The following SP1 variants were observed in gnomAD, a reference collection of about 807,000 sequenced individuals.
SP1 encodes transcription factor Sp1.
Under a neutral mutation model 66.3 loss-of-function variants are expected in SP1, and 6 were observed. The observed-to-expected ratio is 0.09, with a 90% confidence interval of 0.05 to 0.18. The LOEUF (loss-of-function observed/expected upper bound fraction) is 0.18. Ranked by LOEUF, SP1 falls within the 10% of genes least tolerant of loss-of-function variation. The pLI is 1.00. For missense variants in SP1, 848 were observed against 964.5 expected (o/e 0.88, Z 1.60); for synonymous variants, 417 against 360.8 (o/e 1.16, Z -1.77).
At chr12:53,396,235 C>T (rs1233773102) in intron 3 of SP1, among the ~76,000 whole-genome samples, 5 of 150,176 alleles carry the variant, frequency 3.3e-5, no homozygotes, top group African/African-American at 4.9e-5. Context: ...GAGCTAACAT[C>T]GCGCCACTGC....
chr12:53,392,393 G>A (rs1938373799), intron 3 of SP1, among the ~76,000 whole-genome samples: 1 of 118,098 alleles, frequency 8.5e-6, no homozygotes, highest in Admixed American at 1.1e-4. Flanking sequence ...GTCTCGCTCT[G>A]TCGCCCAGGC....
intron 3 of SP1, among the ~76,000 whole-genome samples, chr12:53,398,615 C>G (rs753893007): frequency 3.3e-5 from 5 of 152,108 alleles, no homozygotes; most frequent in Admixed American, 3.3e-4. Flanking sequence ...ATAAAATGTT[C>G]TTGCTACCAT....
chr12:53,392,867 C>G, intron 3 of SP1, among the ~76,000 whole-genome samples: 1 of 151,190 alleles, frequency 6.6e-6, no homozygotes. Flanking sequence ...CTCTGTCGCC[C>G]AGGCTGGAGT....
intron 3 of SP1, among the ~76,000 whole-genome samples, chr12:53,384,473 C>G (rs1333028557): frequency 6.6e-6 from 1 of 151,576 alleles, no homozygotes; most frequent in Non-Finnish European, 1.5e-5. Flanking sequence ...TTAGTAGAGA[C>G]AAGGTTTTGC....
Position 53,384,220 on chromosome 12 carries a change from C to T in SP1, c.1675+598C>T, listed in dbSNP as rs191461358. Among the ~76,000 whole-genome samples, 465 of 152,110 alleles carry T rather than the reference C, an allele frequency of 3.1e-3. 5 individuals carry two copies. Among genetic ancestry groups the T allele is most frequent in the African/African-American group, 0.01 (434 of 41,524 alleles). On this transcript the variant is annotated intron_variant, in intron 3 of 5. Coordinates refer to ENST00000327443, the MANE Select transcript of SP1 (RefSeq NM_138473.3). ...TCCTGACCTCGTGATCCGCCCGCCT[C>T]GGCCTCCCAAAGTGCTGGGATTACA...
In SP1 at chr12:53,392,013, C is replaced by T. The variant is rs533711343; in HGVS notation, c.1675+8391C>T. On this transcript the variant is annotated intron_variant, in intron 3 of 5. Transcript: ENST00000327443. ...TCTTTGAGTTGGTTGCAAATCTGTG[C>T]TGTAATTTGGATTTGTCCTTTTGTT... Among the ~76,000 whole-genome samples the T allele has an allele frequency of 8.0e-4, 122 of 152,124 alleles. 1 individual carries two copies. The highest frequency in any genetic ancestry group is 2.7e-3 in the African/African-American group (114 of 41,514).
rs1036296995 is a variant in SP1 at position 53,410,203 on chromosome 12, G to A, written c.2044+642G>A. Among the ~76,000 whole-genome samples, 20 of 151,656 alleles carry A rather than the reference G, an allele frequency of 1.3e-4. 1 individual carries two copies. Among genetic ancestry groups the A allele is most frequent in the Admixed American group, 2.6e-4 (4 of 15,202 alleles). ...ACCTGTAATCCCAGCTACTCAGGAG[G>A]CTGAGGCAGGAGAATTGCTTGAACC... is the stretch of plus-strand genomic sequence containing the variant. On this transcript the variant is annotated intron_variant, in intron 5 of 5. Coordinates refer to ENST00000327443, the MANE Select transcript of SP1 (RefSeq NM_138473.3).
rs1270678262 is a variant in SP1, at chr12:53,383,520, T to A, written c.1573T>A (p.Ser525Thr). The A allele has an allele frequency of 1.2e-6, 2 of 1,614,138 alleles. No homozygotes were observed. The highest frequency in any genetic ancestry group is 1.7e-6 in the Non-Finnish European group (2 of 1,180,014). The change falls in exon 3 of 6, where the codon TCC becomes ACC. Residue 525 changes from serine to threonine, a missense_variant. Ser to Thr is a moderately conservative substitution (Grantham distance 58). Coordinates refer to ENST00000327443, the MANE Select transcript of SP1 (RefSeq NM_138473.3). The part of the protein sequence containing the change: ...TVTVNAAQLS[S>T]MPGLQTINLS... Reference sequence around the variant, plus strand: ...CACTGTGAATGCTGCTCAACTCTCCTCCATGCCAGGCCTCCAGACCATTAA... The same window carrying A: ...CACTGTGAATGCTGCTCAACTCTCCACCATGCCAGGCCTCCAGACCATTAA...
chr12:53,410,894 T>C (rs938700223), intron 5 of SP1, 33 bp from the exon 6 acceptor site: 2 of 1,536,370 alleles, frequency 1.3e-6, no homozygotes, highest in Non-Finnish European at 1.8e-6. Context: ...CTTCCTAACA[T>C]GTCAGCTTCT....
intron 5 of SP1, among the ~76,000 whole-genome samples, chr12:53,410,473 G>A (rs1279965588): frequency 6.6e-6 from 1 of 151,158 alleles, no homozygotes; most frequent in Admixed American, 6.6e-5. Flanking sequence ...TCTTCCTCAC[G>A]CCCCCGCCAA....
rs188538428 is a variant in SP1 at position 53,405,041 on chromosome 12, G to A, written c.1676-1544G>A. On this transcript the variant is annotated intron_variant, in intron 3 of 5. Transcript: ENST00000327443. ...TTTTGTATTTTTAGTAGAGATGGGG[G>A]TTTTACCATGTTGGCCAGGCTGGTA... Among the ~76,000 whole-genome samples the A allele has an allele frequency of 1.7e-4, 25 of 151,382 alleles. No homozygotes were observed. In the East Asian group the frequency reaches 4.7e-3, roughly 29 times the overall value.
intron 3 of SP1, among the ~76,000 whole-genome samples, chr12:53,386,427 A>G (rs1175248866): frequency 1.3e-5 from 2 of 150,536 alleles, no homozygotes; most frequent in Non-Finnish European, 3.0e-5. Context: ...ATGTTTCACT[A>G]TTAATTTGAA....
At chr12:53,388,549 G>C (rs1012934314) in intron 3 of SP1, among the ~76,000 whole-genome samples, 7 of 152,142 alleles carry the variant, frequency 4.6e-5, no homozygotes, top group Admixed American at 4.6e-4. Context: ...GAAGATCCAA[G>C]TTTTCTCCTT....
At chr12:53,395,472 T>C (rs534858540) in intron 3 of SP1, among the ~76,000 whole-genome samples, 1 of 152,350 alleles carries the variant, frequency 6.6e-6, no homozygotes, top group South Asian at 2.1e-4. Flanking sequence ...GTTATACTTA[T>C]GATTTAGTTA....
intron 3 of SP1, among the ~76,000 whole-genome samples, chr12:53,392,347 ATTTTTTTTTTTTTTT>A (rs574953864): frequency 1.2e-5 from 1 of 85,340 alleles, no homozygotes; most frequent in Non-Finnish European, 2.0e-5. Context: ...CACCTGGCTA[ATTTTTTTTTTTTTTT>A]TTTTTTTTTT....
Position 53,414,005 on chromosome 12 carries a change from CT to C in SP1, c.*2769del, listed in dbSNP as rs1938947222. On this transcript the variant is annotated 3_prime_UTR_variant, in exon 6 of 6. Transcript: ENST00000327443. ...TTTGGCCTCAAAACAGAAGCAGCTTCTTTTGTCTCCCAGCAGTAGTGAGCCA... is the reference window on the plus strand; with the variant it reads ...TTTGGCCTCAAAACAGAAGCAGCTTCTTTGTCTCCCAGCAGTAGTGAGCCA... 2 of 152,180 alleles carry C rather than the reference CT, an allele frequency of 1.3e-5. No individual in the cohort carries two copies. The highest frequency in any genetic ancestry group is 2.4e-5 in the African/African-American group (1 of 41,440). The allele number at this position is 152,180 out of a possible 1,614,324, so 9.4% of individuals were successfully genotyped here.
At chr12:53,380,403 C>A in intron 1 of SP1, 105 bp downstream of exon 1, 8 of 904,860 alleles carry the variant, frequency 8.8e-6, no homozygotes, top group Middle Eastern at 2.9e-4. Context: ...GGGCGGGAGG[C>A]GGCGGCGGCG....
rs375024634 is a variant in SP1, at chr12:53,385,795, C to A, written c.1675+2173C>A. ...GGGCGTGGTGGTACAAGCCTGTAGT[C>A]CCAGCTACTTGGGAGGCTGAGGCAG... is the stretch of plus-strand genomic sequence containing the variant. On this transcript the variant is annotated intron_variant, in intron 3 of 5. Transcript: ENST00000327443. Among the ~76,000 whole-genome samples the A allele has an allele frequency of 4.6e-5, 7 of 151,510 alleles. No homozygotes were observed. The East Asian group carries it at 1.2e-3, about 25-fold the overall frequency.
intron 3 of SP1, among the ~76,000 whole-genome samples, chr12:53,391,700 G>GGGT (rs2136899711): frequency 6.6e-6 from 1 of 151,500 alleles, no homozygotes; most frequent in South Asian, 2.1e-4. Context: ...CTTGTTACCC[G>GGGT]GGTCCGGTCA....
Sources: gnomAD v4.1 joint callset for allele counts (sites outside exome capture counted in the v4.1 genomes callset) on GRCh38, gnomAD v4.1.1 for gene constraint, MANE v1.5 for transcripts, NCBI Gene and HGNC (gene_info 2026-07-23, HGNC 2026-07-21) for gene names.